The following NCKAP5 variants were observed in gnomAD, a reference collection of about 807,000 sequenced individuals.
NCKAP5 encodes the protein NCK associated protein 5.
In NCKAP5, 92 loss-of-function variants were observed where a neutral mutation model predicts 167.0. That is an observed-to-expected ratio of 0.55 (90% CI 0.47 to 0.66). The LOEUF is 0.66. NCKAP5 is among the 30% of genes least tolerant of loss of function. The pLI, the probability that NCKAP5 is intolerant of heterozygous loss-of-function variation, is 0.00. For synonymous variants in NCKAP5, 891 were observed against 877.4 expected, an observed-to-expected ratio of 1.02 and a Z score of -0.27; for missense variants, 2,378 against 2,315.0, an observed-to-expected ratio of 1.03 and a Z score of -0.56.
intron 6 of NCKAP5, among the ~76,000 whole-genome samples, chr2:133,012,569 C>T (rs1248879143): frequency 6.6e-6 from 1 of 152,084 alleles, no homozygotes; most frequent in Non-Finnish European, 1.5e-5. Context: ...CTGAAGTCCT[C>T]CCCTTCAATG....
chr2:133,411,002 A>G (rs1476618376), intron 3 of NCKAP5, among the ~76,000 whole-genome samples: 1 of 152,206 alleles, frequency 6.6e-6, no homozygotes, highest in Non-Finnish European at 1.5e-5. Flanking sequence ...TCTGCACTGG[A>G]TGCTTGAAAT....
intron 3 of NCKAP5, among the ~76,000 whole-genome samples, chr2:133,313,821 T>C (rs560118018): frequency 6.4e-4 from 97 of 152,318 alleles, no homozygotes; most frequent in African/African-American, 2.3e-3. Flanking sequence ...TATTTTTCAT[T>C]TGATGGAGAA....
chr2:133,135,318 T>C (rs571862834), intron 5 of NCKAP5, among the ~76,000 whole-genome samples: 1 of 152,148 alleles, frequency 6.6e-6, no homozygotes, highest in African/African-American at 2.4e-5. Context: ...GCAAAGCCCT[T>C]TGTCGTGTAG....
At chr2:132,966,955 AAAC>A (rs1165402437) in intron 7 of NCKAP5, among the ~76,000 whole-genome samples, 3 of 152,192 alleles carry the variant, frequency 2.0e-5, no homozygotes, top group African/African-American at 7.2e-5. Context: ...ATGAAAGCTA[AAAC>A]AACAAGGCAC....
chr2:132,753,391 C>G (rs1680274060), intron 16 of NCKAP5, among the ~76,000 whole-genome samples: 1 of 151,790 alleles, frequency 6.6e-6, no homozygotes, highest in Non-Finnish European at 1.5e-5. Flanking sequence ...AAATGGCTTT[C>G]CCAATATGTT....
intron 6 of NCKAP5, among the ~76,000 whole-genome samples, chr2:133,040,966 T>C (rs1352842395): frequency 7.2e-5 from 11 of 152,186 alleles, no homozygotes; most frequent in Admixed American, 7.2e-4. Context: ...GGGCTGTTCA[T>C]TCGAATTTGG....
intron 8 of NCKAP5, chr2:132,930,216 G>A (rs1419188518): frequency 6.6e-6 from 1 of 152,186 alleles, no homozygotes; most frequent in African/African-American, 2.4e-5. Flanking sequence ...CACCTGGCTG[G>A]TAGATTCCTC....
At chr2:133,111,927 T>TC (rs927352112) in intron 6 of NCKAP5, among the ~76,000 whole-genome samples, 83 of 151,880 alleles carry the variant, frequency 5.5e-4, no homozygotes, top group African/African-American at 2.0e-3. Flanking sequence ...TAATAGAATC[T>TC]CCCCCAGCCC....
At chr2:133,614,493 G>A in the NCKAP5 span, among the ~76,000 whole-genome samples, 59 of 152,060 alleles carry the variant, frequency 3.9e-4, no homozygotes, top group Admixed American at 1.7e-3. Context: ...CGAGAACTAC[G>A]TGAAGAATGC....
chr2:132,758,938 T>A (rs1405112281), intron 16 of NCKAP5, among the ~76,000 whole-genome samples: 1 of 152,228 alleles, frequency 6.6e-6, no homozygotes, highest in Non-Finnish European at 1.5e-5. Flanking sequence ...ACCATGTTTT[T>A]AAATTACTCA....
chr2:133,401,586 T>C (rs1031703019), intron 3 of NCKAP5, among the ~76,000 whole-genome samples: 3 of 152,170 alleles, frequency 2.0e-5, no homozygotes, highest in African/African-American at 4.8e-5. Context: ...GAACTGGTCA[T>C]GGGTGTGTGA....
At chr2:133,619,133 C>T in the NCKAP5 span, among the ~76,000 whole-genome samples, 21 of 116,156 alleles carry the variant, frequency 1.8e-4, no homozygotes, top group Admixed American at 3.2e-4. Flanking sequence ...GGAAGGGGAA[C>T]ATCACACTCT....
At chr2:133,132,939 G>A (rs1288183203) in intron 5 of NCKAP5, among the ~76,000 whole-genome samples, 1 of 152,096 alleles carries the variant, frequency 6.6e-6, no homozygotes, top group African/African-American at 2.4e-5. Context: ...GCCTCCCAAA[G>A]TGCTGGGATT....
chr2:132,889,211 T>C (rs893295718), intron 8 of NCKAP5, among the ~76,000 whole-genome samples: 2 of 152,162 alleles, frequency 1.3e-5, no homozygotes, highest in Non-Finnish European at 2.9e-5. Context: ...ATCACATAGA[T>C]TGGAGATGAA....
intron 3 of NCKAP5, among the ~76,000 whole-genome samples, chr2:133,397,081 T>C (rs750268326): frequency 1.9e-4 from 29 of 152,206 alleles, no homozygotes; most frequent in Non-Finnish European, 3.4e-4. Context: ...TTTCTTCTAA[T>C]AAACCAAAGC....
At chr2:133,013,171 T>C (rs776193580) in intron 6 of NCKAP5, among the ~76,000 whole-genome samples, 3 of 152,166 alleles carry the variant, frequency 2.0e-5, no homozygotes, top group Non-Finnish European at 4.4e-5. Context: ...CTGCCAACAG[T>C]GGTGGGATTA....
At chr2:133,477,636 T>C (rs1312556145) in intron 3 of NCKAP5, among the ~76,000 whole-genome samples, 1 of 152,194 alleles carries the variant, frequency 6.6e-6, no homozygotes, top group Non-Finnish European at 1.5e-5. Flanking sequence ...TAACTACTAA[T>C]AAAATAGAAC....
At chr2:132,743,788 T>C (rs1225746728) in intron 16 of NCKAP5, among the ~76,000 whole-genome samples, 2 of 151,728 alleles carry the variant, frequency 1.3e-5, no homozygotes, top group Non-Finnish European at 3.0e-5. Context: ...CCTATTTATA[T>C]GCTGTAGATA....
At chr2:133,587,063 G>A in the NCKAP5 span, among the ~76,000 whole-genome samples, 1 of 152,176 alleles carries the variant, frequency 6.6e-6, no homozygotes, top group Non-Finnish European at 1.5e-5. Context: ...CGCGAGGGGT[G>A]TGCCCTGCCC....
Sources: gnomAD v4.1 joint callset for allele counts (sites outside exome capture counted in the v4.1 genomes callset) on GRCh38, gnomAD v4.1.1 for gene constraint, MANE v1.5 for transcripts, NCBI Gene and HGNC (gene_info 2026-07-23, HGNC 2026-07-21) for gene names.